Variants in PRELID2 observed in about 807,000 individuals in gnomAD.
PRELID2 encodes the protein PRELI domain containing 2, also known as PRELI domain-containing protein 2.
A neutral mutation model predicts 28.4 loss-of-function variants in PRELID2; 25 were observed. The ratio of observed to expected loss-of-function variants is 0.88; its 90% CI spans 0.64 to 1.23. The LOEUF (loss-of-function observed/expected upper bound fraction) is 1.23. PRELID2 is among the 50% of genes most tolerant of loss of function. PRELID2 has a pLI of 0.00. For synonymous variants in PRELID2, 76 were observed against 71.6 expected (o/e 1.06, Z -0.31); for missense variants, 201 against 214.4 (o/e 0.94, Z 0.39).
intron 1 of PRELID2, among the ~76,000 whole-genome samples, chr5:145,672,712 A>G (rs1754733470): frequency 6.6e-6 from 1 of 152,136 alleles, no homozygotes; most frequent in African/African-American, 2.4e-5. Context: ...ATCTCAAAAC[A>G]TAAAGGCCCT....
At chr5:145,742,008 TTTA>T (rs376715596) in intron 1 of PRELID2, among the ~76,000 whole-genome samples, 102,218 of 124,310 alleles carry the variant, frequency 0.82, 42,440 homozygotes, top group East Asian at 0.88. Flanking sequence ...AAATAATAAA[TTTA>T]TTATAAGTAA....
chr5:145,742,156 T>C (rs1323272332), intron 1 of PRELID2, among the ~76,000 whole-genome samples: 2 of 11,558 alleles, frequency 1.7e-4, no homozygotes, highest in Non-Finnish European at 5.7e-4. Flanking sequence ...ATTTATTTAT[T>C]ATAAATTTAT....
chr5:145,675,420 C>T (rs1472338121), intron 1 of PRELID2, among the ~76,000 whole-genome samples: 1 of 152,210 alleles, frequency 6.6e-6, no homozygotes, highest in African/African-American at 2.4e-5. Context: ...CATTCTCATA[C>T]ACCGCTGGTA....
the PRELID2 span, among the ~76,000 whole-genome samples, chr5:145,292,004 G>T: frequency 6.6e-6 from 1 of 151,980 alleles, no homozygotes; most frequent in East Asian, 1.9e-4. Context: ...ATCCATTAAA[G>T]TCCTTTCATA....
intron 1 of PRELID2, among the ~76,000 whole-genome samples, chr5:145,722,229 C>A (rs1409379250): frequency 6.6e-6 from 1 of 152,030 alleles, no homozygotes; most frequent in Non-Finnish European, 1.5e-5. Context: ...ATATTACCGA[C>A]AACACTCTCA....
At chr5:145,481,920 T>C (rs1752165920) in intron 1 of PRELID2, among the ~76,000 whole-genome samples, 1 of 152,234 alleles carries the variant, frequency 6.6e-6, no homozygotes, top group African/African-American at 2.4e-5. Context: ...ACAGTTGGTA[T>C]TAGTTTGTTA....
chr5:145,405,388 C>A, the PRELID2 span, among the ~76,000 whole-genome samples: 1 of 152,184 alleles, frequency 6.6e-6, no homozygotes, highest in Non-Finnish European at 1.5e-5. Context: ...TAAAGAAATA[C>A]CTGAGACTAT....
chr5:145,410,941 C>T, the PRELID2 span, among the ~76,000 whole-genome samples: 2 of 151,930 alleles, frequency 1.3e-5, no homozygotes, highest in East Asian at 1.9e-4. Context: ...AAAGCAAAAG[C>T]AAGTTAGTTA....
At chr5:145,763,932 C>T (rs1460453827) in intron 6 of PRELID2, among the ~76,000 whole-genome samples, 2 of 151,876 alleles carry the variant, frequency 1.3e-5, no homozygotes, top group Non-Finnish European at 2.9e-5. Context: ...AAAAATTAGC[C>T]GGGCATGATG....
chr5:145,771,792 T>C (rs1758124103), intron 5 of PRELID2, among the ~76,000 whole-genome samples: 1 of 151,870 alleles, frequency 6.6e-6, no homozygotes, highest in Admixed American at 6.6e-5. Flanking sequence ...GAGGCGAAGA[T>C]TGCGGTGAGC....
the PRELID2 span, among the ~76,000 whole-genome samples, chr5:145,461,948 A>C: frequency 6.2e-4 from 95 of 152,332 alleles, 1 homozygote; most frequent in South Asian, 9.9e-3. Context: ...TGAGTAAAAA[A>C]TAAACTTTGG....
At chr5:145,359,257 A>AATAC in the PRELID2 span, among the ~76,000 whole-genome samples, 28 of 152,232 alleles carry the variant, frequency 1.8e-4, no homozygotes, top group Non-Finnish European at 1.5e-5. Flanking sequence ...AATACTCTGG[A>AATAC]TAGTATATTG....
chr5:145,481,600 G>T lies in PRELID2; in HGVS notation n.71-8285C>A, dbSNP rs1384281846. On this transcript the variant is annotated intron_variant and non_coding_transcript_variant, in intron 1 of 2. Transcript: ENST00000510259. ...TGACCAAAAAGGAACAAGTTTCTCT[G>T]GGTGATAAGAAAGCAAGGAAATCAA... Among the ~76,000 whole-genome samples the T allele has an allele frequency of 6.5e-5, 6 of 92,748 alleles. No homozygotes were observed. In the South Asian group the frequency reaches 1.7e-3, roughly 27 times the overall value. 60.8% of individuals were successfully genotyped at this position (92,748 alleles called of 152,430 possible).
At chr5:145,779,501 G>T (rs1281700146) in intron 5 of PRELID2, among the ~76,000 whole-genome samples, 1 of 140,580 alleles carries the variant, frequency 7.1e-6, no homozygotes, top group Non-Finnish European at 1.5e-5. Flanking sequence ...TGATGAATTT[G>T]AAGTTTATGT....
At chr5:145,523,660 G>T (rs1249214469) in intron 1 of PRELID2, among the ~76,000 whole-genome samples, 1 of 152,064 alleles carries the variant, frequency 6.6e-6, no homozygotes, top group African/African-American at 2.4e-5. Context: ...AGGGTCCGCT[G>T]CTATGGTCTC....
intron 1 of PRELID2, among the ~76,000 whole-genome samples, chr5:145,600,116 T>C (rs1356967022): frequency 1.4e-5 from 2 of 143,716 alleles, no homozygotes; most frequent in African/African-American, 2.8e-5. Context: ...AGAAAAAGAA[T>C]CTCAATTGAA....
At chr5:145,337,968 G>T in the PRELID2 span, 1 of 151,768 alleles carries the variant, frequency 6.6e-6, no homozygotes, top group South Asian at 2.1e-4. Flanking sequence ...AATTTTGTTT[G>T]TCAATTATAT....
chr5:145,233,131 G>A, the PRELID2 span, among the ~76,000 whole-genome samples: 3 of 151,934 alleles, frequency 2.0e-5, no homozygotes, highest in Admixed American at 1.3e-4. Context: ...TTTAACAATG[G>A]CACTCTGAGG....
chr5:145,239,999 G>A, the PRELID2 span, among the ~76,000 whole-genome samples: 2 of 151,966 alleles, frequency 1.3e-5, no homozygotes, highest in African/African-American at 4.8e-5. Flanking sequence ...TCAGAATTTG[G>A]TACATCTTTT....
Sources: allele counts gnomAD v4.1 joint callset (sites outside exome capture counted in the v4.1 genomes callset), GRCh38; gene constraint gnomAD v4.1.1; transcripts MANE v1.5; gene names NCBI Gene and HGNC (gene_info 2026-07-23, HGNC 2026-07-21).